The following PLEKHA7 variants were observed in gnomAD, a reference collection of about 807,000 sequenced individuals.
The protein encoded by PLEKHA7 is pleckstrin homology domain containing A7.
In PLEKHA7, 104 loss-of-function variants were observed where a neutral mutation model predicts 170.0. The ratio of observed to expected loss-of-function variants is 0.61; its 90% CI spans 0.52 to 0.72. The LOEUF (loss-of-function observed/expected upper bound fraction) is 0.72, where lower values mean the gene tolerates loss of function less well. PLEKHA7 is among the 30% of genes least tolerant of loss of function. PLEKHA7 has a pLI of 0.00. For synonymous variants in PLEKHA7, 648 were observed against 660.8 expected (o/e 0.98, Z 0.30); for missense variants, 1,615 against 1,671.7 (o/e 0.97, Z 0.59).
rs1857944735 is a variant in PLEKHA7 at position 16,907,821 on chromosome 11, A to AG, written c.222-36640dup. On this transcript the variant is annotated intron_variant, in intron 3 of 26. Transcript: ENST00000531066. ...ACAATGGCGGTTTTGTGGAATAGAA[A>AG]GGGGGGAAAGGTGGGGAAAAGATTG... Among the ~76,000 whole-genome samples the AG allele has an allele frequency of 1.4e-5, 2 of 147,722 alleles. 1 individual carries two copies. Among genetic ancestry groups the AG allele is most frequent in the South Asian group, 4.5e-4 (2 of 4,410 alleles).
chr11:16,899,988 T>G (rs1053396656), intron 3 of PLEKHA7, among the ~76,000 whole-genome samples: 1 of 152,102 alleles, frequency 6.6e-6, no homozygotes, highest in African/African-American at 2.4e-5. Context: ...CTGGATAAGG[T>G]GTGGGGGGCA....
intron 12 of PLEKHA7, among the ~76,000 whole-genome samples, chr11:16,813,753 T>G (rs1268087974): frequency 6.6e-6 from 1 of 152,218 alleles, no homozygotes; most frequent in Non-Finnish European, 1.5e-5. Context: ...ATGGAGCCAA[T>G]GTAGCCATGT....
At chr11:16,993,883 G>A (rs1864186798) in intron 3 of PLEKHA7, among the ~76,000 whole-genome samples, 1 of 152,324 alleles carries the variant, frequency 6.6e-6, no homozygotes, top group Admixed American at 6.5e-5. Context: ...TGCCTACTGT[G>A]TCTGGGTAGA....
intron 3 of PLEKHA7, among the ~76,000 whole-genome samples, chr11:17,001,788 C>G (rs1423096716): frequency 6.7e-6 from 1 of 150,266 alleles, no homozygotes; most frequent in African/African-American, 2.4e-5. Flanking sequence ...CAGGAAGAGA[C>G]TGCACACTAA....
At chr11:17,004,159 G>C (rs1163932354) in intron 3 of PLEKHA7, among the ~76,000 whole-genome samples, 7 of 151,930 alleles carry the variant, frequency 4.6e-5, no homozygotes, top group Non-Finnish European at 8.8e-5. Context: ...TTAAATTGAG[G>C]GTAAAGTCTC....
intron 10 of PLEKHA7, among the ~76,000 whole-genome samples, chr11:16,822,494 T>C (rs1750684865): frequency 7.5e-6 from 1 of 133,440 alleles, no homozygotes; most frequent in Non-Finnish European, 1.6e-5. Flanking sequence ...TGTCTGCTTT[T>C]GGTAGGGGAA....
At chr11:16,944,992 A>C (rs189132626) in intron 3 of PLEKHA7, among the ~76,000 whole-genome samples, 2,765 of 152,282 alleles carry the variant, frequency 0.018, 93 homozygotes, top group Non-Finnish European at 0.016. Context: ...GCTCAAGTGC[A>C]GTGGCACCAT....
chr11:16,802,935 T>C (rs780843076), intron 15 of PLEKHA7, 37 bp downstream of exon 15: 3 of 1,515,380 alleles, frequency 2.0e-6, no homozygotes, highest in Non-Finnish European at 2.8e-6. Context: ...AAAATGTCCC[T>C]CTGCCCATTC....
rs571539615 is a variant in PLEKHA7, at chr11:16,810,167, C to T, written c.2007+2946G>A. ...TACACGAATTAGTATATTCCCTTTT[C>T]GACTTAGCATGTTGCTTTGGGTTTT... On this transcript the variant is annotated intron_variant, in intron 13 of 26. Transcript: ENST00000531066. 7.1e-4 allele frequency among the ~76,000 whole-genome samples: 108 copies of T among 152,362 alleles called. 1 individual carries two copies. The highest frequency in any genetic ancestry group is 2.7e-3 in the Admixed American group (41 of 15,300).
intron 3 of PLEKHA7, among the ~76,000 whole-genome samples, chr11:16,878,174 C>G (rs906656913): frequency 4.6e-5 from 7 of 152,124 alleles, no homozygotes; most frequent in African/African-American, 1.7e-4. Context: ...CCTCTATCTA[C>G]GAAATATACG....
intron 9 of PLEKHA7, among the ~76,000 whole-genome samples, chr11:16,833,576 A>AT (rs969603839): frequency 1.3e-5 from 2 of 151,966 alleles, no homozygotes; most frequent in Non-Finnish European, 2.9e-5. Flanking sequence ...TGGGAGATAC[A>AT]TTTTTTTAAT....
intron 23 of PLEKHA7, 121 bp downstream of exon 23, chr11:16,788,975 G>A (rs1040490969): frequency 1.6e-6 from 2 of 1,287,042 alleles, no homozygotes; most frequent in African/African-American, 1.5e-5. Context: ...GGTGTTCTCT[G>A]AACCATGTAG....
chr11:16,925,638 C>T (rs4756874), intron 3 of PLEKHA7, among the ~76,000 whole-genome samples: 2,455 of 152,316 alleles, frequency 0.016, 21 homozygotes, highest in Non-Finnish European at 0.022. Flanking sequence ...GGGCGGGCCA[C>T]CGGTCAGCGG....
chr11:16,924,853 G>A lies in PLEKHA7; in HGVS notation c.222-53671C>T, dbSNP rs12292080. Among the ~76,000 whole-genome samples, 331 of 152,318 alleles carry A rather than the reference G, an allele frequency of 2.2e-3. 2 individuals are homozygous for A. Among genetic ancestry groups the A allele is most frequent in the African/African-American group, 7.6e-3 (316 of 41,574 alleles). The stretch of plus-strand genomic sequence containing the variant: ...GCCTACCTAGGAGCTTGCCGGCGTT[G>A]CCATAAAAGATGAGTAATGGCACCG... On this transcript the variant is annotated intron_variant, in intron 3 of 26. Transcript: ENST00000531066.
intron 3 of PLEKHA7, among the ~76,000 whole-genome samples, chr11:16,980,754 T>C (rs930517811): frequency 3.9e-5 from 6 of 151,978 alleles, no homozygotes; most frequent in Non-Finnish European, 8.8e-5. Flanking sequence ...AAACCCCGTC[T>C]CTACTAAAAA....
intron 13 of PLEKHA7, among the ~76,000 whole-genome samples, chr11:16,809,796 C>T (rs776122666): frequency 1.3e-5 from 2 of 152,212 alleles, no homozygotes; most frequent in East Asian, 1.9e-4. Context: ...CTGCCATCCA[C>T]GTGTCTTAAT....
chr11:16,888,890 T>A lies in PLEKHA7; in HGVS notation c.222-17708A>T, dbSNP rs1856395844. ...TTAAAAAAATTAAAAAAAACAAAAT[T>A]CAAGAGGGGGAAGATAAAAAAAAAA... On this transcript the variant is annotated intron_variant, in intron 3 of 26. Coordinates refer to ENST00000531066, the MANE Select transcript of PLEKHA7 (RefSeq NM_001329630.2). Among the ~76,000 whole-genome samples the A allele has an allele frequency of 3.8e-5, 4 of 106,530 alleles. No individual in the cohort carries two copies. In the Admixed American group the frequency reaches 4.0e-4, roughly 11 times the overall value. 69.9% of individuals were successfully genotyped at this position (106,530 alleles called of 152,430 possible). A position where few individuals can be genotyped will look rare whatever the true frequency, so the allele number is the denominator to read the frequency against.
At chr11:16,962,756 T>C (rs1295559151) in intron 3 of PLEKHA7, among the ~76,000 whole-genome samples, 1 of 152,196 alleles carries the variant, frequency 6.6e-6, no homozygotes, top group Non-Finnish European at 1.5e-5. Context: ...CCACTGCACC[T>C]GGCCCACAAG....
intron 3 of PLEKHA7, among the ~76,000 whole-genome samples, chr11:17,001,475 T>C (rs1864658112): frequency 6.6e-6 from 1 of 152,078 alleles, no homozygotes; most frequent in Non-Finnish European, 1.5e-5. Context: ...AAACCATTGC[T>C]CTGGCTCCCC....
Sources: allele counts gnomAD v4.1 joint callset (sites outside exome capture counted in the v4.1 genomes callset), GRCh38; gene constraint gnomAD v4.1.1; transcripts MANE v1.5; gene names NCBI Gene and HGNC (gene_info 2026-07-23, HGNC 2026-07-21).